The following INTU variants were observed in gnomAD, a reference collection of about 807,000 sequenced individuals.
INTU encodes the protein protein inturned.
A neutral mutation model predicts 100.5 loss-of-function variants in INTU; 68 were observed. The ratio of observed to expected loss-of-function variants is 0.68; its 90% CI spans 0.56 to 0.83. The LOEUF is 0.83. INTU is among the 40% of genes least tolerant of loss of function. The pLI is 0.00. For synonymous variants in INTU, 357 were observed against 395.7 expected (o/e 0.90, Z 1.16); for missense variants, 1,071 against 1,114.7 (o/e 0.96, Z 0.56).
At chr4:127,682,109 T>A (rs1729592689) in intron 6 of INTU, among the ~76,000 whole-genome samples, 1 of 151,810 alleles carries the variant, frequency 6.6e-6, no homozygotes, top group African/African-American at 2.4e-5. Context: ...AAACAACAGG[T>A]GCTGGAGAGG....
In INTU at chr4:127,648,823, GT is replaced by G. The variant is rs576395633; in HGVS notation, c.682+4778del. ...AGAAATTAAACAGGCATCTTGTTGT[GT>G]TTTTTTTTTTCCAAGTGGACTTCAA... On this transcript the variant is annotated intron_variant, in intron 2 of 15. Coordinates refer to ENST00000335251, the MANE Select transcript of INTU (RefSeq NM_015693.4). Among the ~76,000 whole-genome samples, 52 of 144,652 alleles carry G rather than the reference GT, an allele frequency of 3.6e-4. 1 individual carries two copies. Among genetic ancestry groups the G allele is most frequent in the East Asian group, 1.6e-3 (8 of 4,984 alleles). The allele number at this position is 144,652 out of a possible 152,430, so 94.9% of individuals were successfully genotyped here. A position where few individuals can be genotyped will look rare whatever the true frequency, so the allele number is the denominator to read the frequency against.
At chr4:127,645,708 C>A (rs1440868783) in intron 2 of INTU, among the ~76,000 whole-genome samples, 1 of 151,854 alleles carries the variant, frequency 6.6e-6, no homozygotes, top group Non-Finnish European at 1.5e-5. Context: ...TTACTGGCAC[C>A]CACCACCATG....
At chr4:127,639,806 T>C (rs6534631) in intron 1 of INTU, among the ~76,000 whole-genome samples, 73,581 of 151,918 alleles carry the variant, frequency 0.48, 18,209 homozygotes, top group South Asian at 0.64. Context: ...AATTTTGAAA[T>C]ATACACTATA....
chr4:127,686,380 C>T (rs2126230292), intron 7 of INTU: 1 of 152,420 alleles, frequency 6.6e-6, no homozygotes, highest in African/African-American at 2.4e-5. Flanking sequence ...AGCCTCCTAA[C>T]TGGTCTCCTT....
rs1553982611 is a variant in INTU at position 127,691,962 on chromosome 4, G to GTATA, written c.1449+4111_1449+4114dup. Among the ~76,000 whole-genome samples, 116 of 98,250 alleles carry GTATA rather than the reference G, an allele frequency of 1.2e-3. 10 individuals carry two copies. Among genetic ancestry groups the GTATA allele is most frequent in the Middle Eastern group, 5.8e-3 (1 of 172 alleles). The allele number at this position is 98,250 out of a possible 152,430, so 64.5% of individuals were successfully genotyped here. Reference sequence around the variant, plus strand: ...GGCGGAGTATAGTGTTCCATGGTATGTATATATATATATATATATGTCACA... The same window carrying GTATA: ...GGCGGAGTATAGTGTTCCATGGTATGTATATATATATATATATATATATGTCACA... On this transcript the variant is annotated intron_variant, in intron 8 of 15. Transcript: ENST00000335251.
chr4:127,714,098 G>A lies in INTU; in HGVS notation c.2717+5G>A, dbSNP rs1479290607. The A allele has an allele frequency of 2.5e-6, 4 of 1,597,858 alleles. No homozygotes were observed. The highest frequency in any genetic ancestry group is 3.6e-5 in the Admixed American group (2 of 54,840). Reference sequence around the variant, plus strand: ...TATGGCTTACTGGGTAGTAGGGTAAGTGAGAAAAAAAAGTATTTGAAAGTA... The same window carrying A: ...TATGGCTTACTGGGTAGTAGGGTAAATGAGAAAAAAAAGTATTTGAAAGTA... On this transcript the variant is annotated splice_donor_5th_base_variant and intron_variant, in intron 15 of 15. Coordinates refer to ENST00000335251, the MANE Select transcript of INTU (RefSeq NM_015693.4).
In INTU at chr4:127,716,403, A is replaced by C. The variant is rs750602301; in HGVS notation, c.2796A>C (p.Ile932=). 1 of 1,593,924 alleles carries C rather than the reference A, an allele frequency of 6.3e-7. No individual in the cohort carries two copies. Residue 932 remains isoleucine (I), a synonymous_variant, in exon 16 of 16, where the codon ATA becomes ATC. Coordinates refer to ENST00000335251, the MANE Select transcript of INTU (RefSeq NM_015693.4). ...HDSVTEIAIE[I]AFKLFFGLTL Reference sequence around the variant, plus strand: ...CAGTCACAGAAATTGCCATTGAAATAGCTTTTAAATTGTTCTTTGGGTTAA... The same window carrying C: ...CAGTCACAGAAATTGCCATTGAAATCGCTTTTAAATTGTTCTTTGGGTTAA...
At chr4:127,681,596 A>G (rs1222634472) in intron 6 of INTU, among the ~76,000 whole-genome samples, 1 of 152,236 alleles carries the variant, frequency 6.6e-6, no homozygotes, top group Non-Finnish European at 1.5e-5. Flanking sequence ...TTATACAAAA[A>G]TTAATTCAAG....
At chr4:127,661,226 A>C (rs1728461582) in intron 3 of INTU, among the ~76,000 whole-genome samples, 1 of 152,220 alleles carries the variant, frequency 6.6e-6, no homozygotes, top group Non-Finnish European at 1.5e-5. Flanking sequence ...TTGTTTGCCA[A>C]GTATAACACT....
At chr4:127,707,487 A>G (rs763929660) in intron 12 of INTU, among the ~76,000 whole-genome samples, 28 of 152,182 alleles carry the variant, frequency 1.8e-4, no homozygotes, top group Middle Eastern at 3.4e-3. Context: ...GAAATAGGAA[A>G]ACTTTAATCT....
At chr4:127,639,373 G>C (rs915763667) in intron 1 of INTU, among the ~76,000 whole-genome samples, 6 of 152,018 alleles carry the variant, frequency 3.9e-5, no homozygotes, top group African/African-American at 1.4e-4. Flanking sequence ...CTGTTCTCTG[G>C]AAGAGTATAG....
intron 8 of INTU, among the ~76,000 whole-genome samples, chr4:127,692,441 G>T (rs1416958242): frequency 6.6e-6 from 1 of 151,936 alleles, no homozygotes; most frequent in Non-Finnish European, 1.5e-5. Flanking sequence ...GGGATTGTTT[G>T]TTTTTTTCTT....
chr4:127,689,651 G>A (rs1386271240), intron 8 of INTU, among the ~76,000 whole-genome samples: 1 of 151,398 alleles, frequency 6.6e-6, no homozygotes, highest in Non-Finnish European at 1.5e-5. Context: ...GCAACAGAAT[G>A]AGACCCTATC....
rs1235229350 is a variant in INTU at position 127,633,017 on chromosome 4, G to A, written c.-18G>A. ...CGAGATTTGAATTACTCCACTCGTA[G>A]CTATTGCATTCCTGACGATGGCCTC... On this transcript the variant is annotated 5_prime_UTR_variant, in exon 1 of 16. Transcript: ENST00000335251. The A allele has an allele frequency of 1.2e-6, 2 of 1,607,540 alleles. No homozygotes were observed. The highest frequency in any genetic ancestry group is 2.2e-5 in the East Asian group (1 of 44,732).
intron 3 of INTU, among the ~76,000 whole-genome samples, chr4:127,661,507 C>G (rs936762102): frequency 6.6e-6 from 1 of 152,140 alleles, no homozygotes; most frequent in Admixed American, 6.5e-5. Flanking sequence ...CTCATAGACA[C>G]TCCAGCTTCA....
At chr4:127,672,730 A>G (rs1249016108) in intron 5 of INTU, among the ~76,000 whole-genome samples, 1 of 152,068 alleles carries the variant, frequency 6.6e-6, no homozygotes, top group African/African-American at 2.4e-5. Flanking sequence ...TTTGTCTGAA[A>G]GTGTATGCAT....
At chr4:127,674,332 A>G in intron 6 of INTU, 119 bp downstream of exon 6, 1 of 735,112 alleles carries the variant, frequency 1.4e-6, no homozygotes, top group Non-Finnish European at 2.2e-6. Context: ...CAGTTTAAAG[A>G]TCTATTGCAC....
intron 7 of INTU, 110 bp downstream of exon 7, chr4:127,684,596 C>T: frequency 1.0e-5 from 6 of 577,784 alleles, no homozygotes; most frequent in Middle Eastern, 5.3e-4. Context: ...TCTCTTTTCT[C>T]CTCCCTCCCC....
chr4:127,637,069 T>C (rs759794245), intron 1 of INTU, among the ~76,000 whole-genome samples: 1 of 152,230 alleles, frequency 6.6e-6, no homozygotes. Context: ...CTTACTCTTG[T>C]CTTCAGATCT....
Sources: gnomAD v4.1 joint callset for allele counts (sites outside exome capture counted in the v4.1 genomes callset) on GRCh38, gnomAD v4.1.1 for gene constraint, MANE v1.5 for transcripts, NCBI Gene and HGNC (gene_info 2026-07-23, HGNC 2026-07-21) for gene names.